Variants in MAP3K5 observed in about 807,000 individuals in gnomAD.
MAP3K5 encodes the protein ASK-1.
In MAP3K5, 56 loss-of-function variants were observed where a neutral mutation model predicts 158.7. The observed-to-expected ratio is 0.35, with a 90% confidence interval of 0.28 to 0.44. The LOEUF (loss-of-function observed/expected upper bound fraction) is 0.44. MAP3K5 is among the 20% of genes least tolerant of loss of function. MAP3K5 has a pLI of 1.00. For synonymous variants in MAP3K5, 579 were observed against 601.7 expected, an observed-to-expected ratio of 0.96 and a Z score of 0.55; for missense variants, 1,294 against 1,674.8, an observed-to-expected ratio of 0.77 and a Z score of 3.97.
intron 9 of MAP3K5, among the ~76,000 whole-genome samples, chr6:136,657,874 T>G (rs1171996123): frequency 6.6e-6 from 1 of 151,914 alleles, no homozygotes; most frequent in African/African-American, 2.4e-5. Context: ...AACCCAGGAG[T>G]GTGACAAGAG....
At chr6:136,724,820 T>A (rs1417601675) in intron 1 of MAP3K5, among the ~76,000 whole-genome samples, 1 of 152,178 alleles carries the variant, frequency 6.6e-6, no homozygotes, top group Non-Finnish European at 1.5e-5. Flanking sequence ...TCTCTTTGTC[T>A]CTGATGTACA....
At chr6:136,617,156 C>T (rs1327247966) in intron 15 of MAP3K5, among the ~76,000 whole-genome samples, 1 of 152,126 alleles carries the variant, frequency 6.6e-6, no homozygotes, top group African/African-American at 2.4e-5. Flanking sequence ...TCAAAATTTG[C>T]AATAATAGTC....
At chr6:136,577,926 T>C (rs1330756081) in intron 25 of MAP3K5, among the ~76,000 whole-genome samples, 3 of 152,232 alleles carry the variant, frequency 2.0e-5, no homozygotes, top group Non-Finnish European at 2.9e-5. Context: ...TAGGTAATCA[T>C]TACTAAAAGG....
At chr6:136,660,816 T>C (rs1475848258) in intron 8 of MAP3K5, among the ~76,000 whole-genome samples, 1 of 152,232 alleles carries the variant, frequency 6.6e-6, no homozygotes, top group Non-Finnish European at 1.5e-5. Flanking sequence ...CATTATGTAC[T>C]ACTTATTAAA....
At chr6:136,616,432 G>A (rs550609785) in intron 15 of MAP3K5, among the ~76,000 whole-genome samples, 3 of 150,794 alleles carry the variant, frequency 2.0e-5, no homozygotes, top group South Asian at 4.2e-4. Context: ...AGCCTCCCAA[G>A]TAGCTGGGAT....
intron 1 of MAP3K5, among the ~76,000 whole-genome samples, chr6:136,735,701 G>A (rs768852117): frequency 5.5e-4 from 84 of 152,186 alleles, no homozygotes; most frequent in African/African-American, 1.9e-3. Context: ...GTGGTGGTGC[G>A]TGCCTGCAGT....
chr6:136,774,988 C>T (rs946839361), intron 1 of MAP3K5, among the ~76,000 whole-genome samples: 1 of 152,158 alleles, frequency 6.6e-6, no homozygotes, highest in Non-Finnish European at 1.5e-5. Flanking sequence ...GGAGCAACAG[C>T]TTTCTTTATA....
intron 15 of MAP3K5, among the ~76,000 whole-genome samples, chr6:136,618,909 T>C (rs1776684059): frequency 6.6e-6 from 1 of 152,224 alleles, no homozygotes; most frequent in Non-Finnish European, 1.5e-5. Context: ...CCTCTTTCTA[T>C]GATTTTGTTT....
At chr6:136,596,258 G>A (rs986789338) in intron 21 of MAP3K5, among the ~76,000 whole-genome samples, 1 of 152,160 alleles carries the variant, frequency 6.6e-6, no homozygotes, top group East Asian at 1.9e-4. Context: ...GGGGTGTCAT[G>A]GAAGCCCACA....
intron 8 of MAP3K5, among the ~76,000 whole-genome samples, chr6:136,660,020 T>A (rs961614451): frequency 9.9e-5 from 15 of 152,218 alleles, no homozygotes; most frequent in African/African-American, 3.1e-4. Flanking sequence ...AATCTACAAT[T>A]TTTATATATG....
chr6:136,586,964 C>G (rs1004867144), intron 23 of MAP3K5, among the ~76,000 whole-genome samples: 5 of 152,182 alleles, frequency 3.3e-5, no homozygotes, highest in African/African-American at 9.7e-5. Flanking sequence ...AGCCTGCAGA[C>G]AGCCTATTGT....
At chr6:136,667,971 G>C (rs532468320) in intron 8 of MAP3K5, among the ~76,000 whole-genome samples, 3 of 152,110 alleles carry the variant, frequency 2.0e-5, no homozygotes, top group African/African-American at 7.2e-5. Context: ...TAAATATTCT[G>C]ACTTTATTTA....
At chr6:136,685,698 G>A (rs1780117785) in intron 7 of MAP3K5, among the ~76,000 whole-genome samples, 2 of 152,102 alleles carry the variant, frequency 1.3e-5, no homozygotes, top group Admixed American at 1.3e-4. Context: ...AAGCCTGAGG[G>A]ACTGACTACC....
chr6:136,778,109 C>G (rs1784469809), intron 1 of MAP3K5, among the ~76,000 whole-genome samples: 1 of 152,046 alleles, frequency 6.6e-6, no homozygotes, highest in Non-Finnish European at 1.5e-5. Context: ...TCAGTATAAA[C>G]AAGTTCTTCT....
chr6:136,645,661 A>G (rs1027132244), intron 11 of MAP3K5, among the ~76,000 whole-genome samples: 1 of 152,254 alleles, frequency 6.6e-6, no homozygotes, highest in Non-Finnish European at 1.5e-5. Context: ...TTCAACAAAT[A>G]GAGAACTGTT....
At chr6:136,712,231 G>C (rs1415680169) in intron 2 of MAP3K5, among the ~76,000 whole-genome samples, 1 of 149,796 alleles carries the variant, frequency 6.7e-6, no homozygotes, top group Non-Finnish European at 1.5e-5. Flanking sequence ...ACCCAGGCTG[G>C]AGTGCAGTGA....
intron 1 of MAP3K5, among the ~76,000 whole-genome samples, chr6:136,735,195 A>G (rs1009829645): frequency 2.6e-5 from 4 of 152,248 alleles, no homozygotes; most frequent in Non-Finnish European, 5.9e-5. Context: ...TTACATAAGC[A>G]TTAATAGTTA....
chr6:136,733,526 G>T (rs1446149461), intron 1 of MAP3K5, among the ~76,000 whole-genome samples: 4 of 152,116 alleles, frequency 2.6e-5, no homozygotes, highest in African/African-American at 9.7e-5. Flanking sequence ...AGTACAAATA[G>T]GTCCTACCCA....
At chr6:136,607,002 C>T (rs1444633740) in intron 18 of MAP3K5, among the ~76,000 whole-genome samples, 1 of 152,228 alleles carries the variant, frequency 6.6e-6, no homozygotes, top group Non-Finnish European at 1.5e-5. Flanking sequence ...TAACATACAA[C>T]TGCACATGTC....
Sources: allele counts gnomAD v4.1 joint callset (sites outside exome capture counted in the v4.1 genomes callset), GRCh38; gene constraint gnomAD v4.1.1; transcripts MANE v1.5; gene names NCBI Gene and HGNC (gene_info 2026-07-23, HGNC 2026-07-21).